The following NAALADL2 variants were observed in gnomAD, a reference collection of about 807,000 sequenced individuals.
NAALADL2 encodes the protein N-acetylated alpha-linked acidic dipeptidase like 2.
A neutral mutation model predicts 87.2 loss-of-function variants in NAALADL2; 76 were observed. The observed-to-expected ratio is 0.87, with a 90% CI of 0.72 to 1.05. The LOEUF (loss-of-function observed/expected upper bound fraction) is 1.05, where lower values mean the gene tolerates loss of function less well. Ranked by LOEUF, NAALADL2 falls within the 50% of genes least tolerant of loss-of-function variation. The pLI is 0.00. For synonymous variants in NAALADL2, 354 were observed against 331.0 expected, an observed-to-expected ratio of 1.07 and a Z score of -0.75; for missense variants, 1,089 against 945.8, an observed-to-expected ratio of 1.15 and a Z score of -1.99.
At chr3:175,430,902 G>T (rs1002887225) in intron 5 of NAALADL2, among the ~76,000 whole-genome samples, 9 of 151,964 alleles carry the variant, frequency 5.9e-5, no homozygotes, top group African/African-American at 2.2e-4. Context: ...ATCAGCCTTA[G>T]ATCAGTATAT....
At chr3:174,480,892 C>G (rs1233231254) in intron 1 of NAALADL2, among the ~76,000 whole-genome samples, 1 of 152,006 alleles carries the variant, frequency 6.6e-6, no homozygotes, top group East Asian at 1.9e-4. Flanking sequence ...CTTGTACATA[C>G]AGGTCCGACA....
At chr3:174,567,356 TA>T (rs1714409763) in intron 2 of NAALADL2, among the ~76,000 whole-genome samples, 1 of 151,652 alleles carries the variant, frequency 6.6e-6, no homozygotes. Context: ...CGCAGCAGTT[TA>T]AAAGTAGATA....
chr3:175,023,158 T>C (rs1751779780), intron 1 of NAALADL2, among the ~76,000 whole-genome samples: 1 of 152,100 alleles, frequency 6.6e-6, no homozygotes, highest in Non-Finnish European at 1.5e-5. Context: ...CTCTGGACAC[T>C]AGGGAGATGT....
chr3:175,452,122 G>A (rs974613875), intron 6 of NAALADL2, among the ~76,000 whole-genome samples: 2 of 152,166 alleles, frequency 1.3e-5, no homozygotes, highest in African/African-American at 2.4e-5. Context: ...GCAACATTGT[G>A]TATTCTTACA....
intron 2 of NAALADL2, chr3:175,115,128 A>G (rs1350556730): frequency 2.6e-5 from 4 of 151,620 alleles, no homozygotes; most frequent in Non-Finnish European, 4.4e-5. Flanking sequence ...TTTACATATT[A>G]GACTTATATT....
intron 5 of NAALADL2, among the ~76,000 whole-genome samples, chr3:175,341,382 G>A (rs7629234): frequency 0.2 from 30,088 of 152,056 alleles, 5,803 homozygotes; most frequent in African/African-American, 0.51. Flanking sequence ...GATACACCAC[G>A]TATTGTTTAT....
intron 2 of NAALADL2, among the ~76,000 whole-genome samples, chr3:174,731,496 A>G (rs1158296255): frequency 6.6e-6 from 1 of 152,138 alleles, no homozygotes; most frequent in East Asian, 1.9e-4. Context: ...GTGAAACATA[A>G]TTAATATATT....
chr3:174,922,549 C>T (rs919055750), intron 1 of NAALADL2, among the ~76,000 whole-genome samples: 5 of 152,030 alleles, frequency 3.3e-5, no homozygotes, highest in Admixed American at 6.6e-5. Context: ...AGTTTTTCTC[C>T]TAATGCTGAT....
At chr3:174,674,931 C>G (rs1194979090) in intron 2 of NAALADL2, among the ~76,000 whole-genome samples, 2 of 152,026 alleles carry the variant, frequency 1.3e-5, no homozygotes, top group African/African-American at 4.8e-5. Flanking sequence ...TGTTTTCTGT[C>G]AGTCAGTAGT....
At chr3:174,972,587 A>C (rs1743839057) in intron 1 of NAALADL2, among the ~76,000 whole-genome samples, 2 of 152,164 alleles carry the variant, frequency 1.3e-5, no homozygotes, top group African/African-American at 4.8e-5. Context: ...TACCTCTTTA[A>C]AAGCTGTATC....
chr3:174,805,909 A>G (rs754923387), intron 3 of NAALADL2, among the ~76,000 whole-genome samples: 7 of 152,158 alleles, frequency 4.6e-5, no homozygotes, highest in Non-Finnish European at 8.8e-5. Flanking sequence ...CTATTAATCT[A>G]TATTAGGCCT....
intron 5 of NAALADL2, among the ~76,000 whole-genome samples, chr3:175,441,731 A>G (rs1163042431): frequency 6.6e-6 from 1 of 151,882 alleles, no homozygotes; most frequent in Non-Finnish European, 1.5e-5. Flanking sequence ...TGAGTTGTGT[A>G]TACTCCTAAA....
At chr3:175,505,346 C>T (rs1307906371) in intron 9 of NAALADL2, among the ~76,000 whole-genome samples, 1 of 152,006 alleles carries the variant, frequency 6.6e-6, no homozygotes, top group Non-Finnish European at 1.5e-5. Context: ...TCTCCACAGC[C>T]CCAACTACCA....
intron 2 of NAALADL2, among the ~76,000 whole-genome samples, chr3:174,672,286 G>C (rs1002919310): frequency 5.3e-5 from 8 of 151,922 alleles, no homozygotes; most frequent in African/African-American, 1.9e-4. Context: ...AAACAAATTC[G>C]TGTTTGGCTA....
At chr3:175,339,302 G>A (rs1257439881) in intron 5 of NAALADL2, among the ~76,000 whole-genome samples, 1 of 152,140 alleles carries the variant, frequency 6.6e-6, no homozygotes, top group Non-Finnish European at 1.5e-5. Context: ...AGGTTCCATC[G>A]GCTGAGTGCC....
chr3:175,238,025 TA>T (rs567857082), intron 3 of NAALADL2, among the ~76,000 whole-genome samples: 40 of 152,314 alleles, frequency 2.6e-4, no homozygotes, highest in Non-Finnish European at 4.3e-4. Flanking sequence ...AAAAGTTAAT[TA>T]TTTTTTTCAT....
At chr3:175,792,835 T>C in intron 13 of NAALADL2, among the ~76,000 whole-genome samples, 1 of 152,230 alleles carries the variant, frequency 6.6e-6, no homozygotes. Context: ...TTCCGTAGTA[T>C]AAGCTCATCT....
At chr3:174,867,327 T>C (rs1296849454) in intron 1 of NAALADL2, among the ~76,000 whole-genome samples, 1 of 152,000 alleles carries the variant, frequency 6.6e-6, no homozygotes, top group Non-Finnish European at 1.5e-5. Context: ...CTTCTTATAT[T>C]ATGTTCCTTC....
intron 5 of NAALADL2, among the ~76,000 whole-genome samples, chr3:175,328,489 G>A (rs1199490339): frequency 6.6e-6 from 1 of 151,716 alleles, no homozygotes; most frequent in African/African-American, 2.4e-5. Context: ...CGTAGGGCAC[G>A]GGGAGCATCT....
Sources: gnomAD v4.1 joint callset for allele counts (sites outside exome capture counted in the v4.1 genomes callset) on GRCh38, gnomAD v4.1.1 for gene constraint, MANE v1.5 for transcripts, NCBI Gene and HGNC (gene_info 2026-07-23, HGNC 2026-07-21) for gene names.